Variants in EVL observed in about 807,000 individuals in gnomAD.
EVL encodes ena/VASP-like protein.
EVL carries 21 observed loss-of-function variants against 59.6 expected under a neutral mutation model. That is an observed-to-expected ratio of 0.35 (90% CI 0.25 to 0.51). The LOEUF is 0.51. Ranked by LOEUF, EVL falls within the 20% of genes least tolerant of loss-of-function variation. EVL has a pLI of 0.97. For synonymous variants in EVL, 198 were observed against 203.5 expected (o/e 0.97, Z 0.23); for missense variants, 462 against 546.6 (o/e 0.85, Z 1.54).
chr14:100,126,507 G>A lies in EVL; in HGVS notation c.423-200G>A, dbSNP rs535463681. 5.3e-5 allele frequency among the ~76,000 whole-genome samples: 8 copies of A among 152,310 alleles called. No individual in the cohort carries two copies. In the East Asian group the frequency reaches 5.8e-4, roughly 11 times the overall value. ...TGTGCCTGAGACTCAGGAGACAGCC[G>A]GTGCTCCCACTTGCGGGAGCTGGAC... On this transcript the variant is annotated intron_variant, in intron 4 of 13. Transcript: ENST00000392920.
Position 100,077,977 on chromosome 14 carries a change from G to GT in EVL, c.12-6710_12-6709insT, listed in dbSNP as rs563031888. ...TTTTTAGTAGAGATGGGGTTTCACCGGTTAGCCAGGATGGTCTCGATCTCC... is the reference window on the plus strand; with the variant it reads ...TTTTTAGTAGAGATGGGGTTTCACCGTGTTAGCCAGGATGGTCTCGATCTCC... On this transcript the variant is annotated intron_variant, in intron 1 of 13. Transcript: ENST00000392920. 2.0e-4 allele frequency among the ~76,000 whole-genome samples: 30 copies of GT among 152,002 alleles called. 1 individual carries two copies. The East Asian group carries it at 3.5e-3, about 18-fold the overall frequency.
At position 100,142,429 on chromosome 14, in the gene EVL, G is replaced by C. The variant is rs182389967; in HGVS notation, c.1219+636G>C. On this transcript the variant is annotated intron_variant, in intron 13 of 13. Transcript: ENST00000392920. ...CTCAGATCTGCAGCCAGAGGAAAAGGGGGAGTGGGCAGGGCAGACTCAGTC... is the reference window on the plus strand; with the variant it reads ...CTCAGATCTGCAGCCAGAGGAAAAGCGGGAGTGGGCAGGGCAGACTCAGTC... Among the ~76,000 whole-genome samples, 207 of 152,364 alleles carry C rather than the reference G, an allele frequency of 1.4e-3. 2 individuals carry two copies. Among genetic ancestry groups the C allele is most frequent in the Non-Finnish European group, 1.5e-3 (103 of 68,036 alleles).
At chr14:100,085,008 A>T in intron 2 of EVL, 153 bp downstream of exon 2, 2 of 750,428 alleles carry the variant, frequency 2.7e-6, no homozygotes, top group South Asian at 3.8e-5. Context: ...CCATATCCTC[A>T]TAGTTCAAAG....
chr14:99,996,485 G>A (rs536170734), intron 1 of EVL, among the ~76,000 whole-genome samples: 7 of 152,276 alleles, frequency 4.6e-5, no homozygotes, highest in African/African-American at 1.7e-4. Context: ...GTGCAACTTG[G>A]TAAGGGGACT....
At chr14:100,107,081 C>G (rs751048983) in intron 3 of EVL, 7 of 398,606 alleles carry the variant, frequency 1.8e-5, no homozygotes, top group Non-Finnish European at 2.7e-5. Flanking sequence ...CGTGGCAGTT[C>G]ACATGACACG....
intron 1 of EVL, among the ~76,000 whole-genome samples, chr14:100,001,582 TCC>T (rs2060946429): frequency 6.6e-6 from 1 of 152,242 alleles, no homozygotes; most frequent in Non-Finnish European, 1.5e-5. Flanking sequence ...GGAACTTTGT[TCC>T]ATTGAAGGAG....
intron 1 of EVL, among the ~76,000 whole-genome samples, chr14:100,044,326 C>G (rs925482736): frequency 4.6e-5 from 7 of 151,972 alleles, no homozygotes; most frequent in African/African-American, 9.7e-5. Context: ...GGAGATAGTC[C>G]CTATATTTTT....
chr14:100,098,660 G>A (rs968705924), intron 3 of EVL, among the ~76,000 whole-genome samples: 17 of 152,216 alleles, frequency 1.1e-4, no homozygotes, highest in African/African-American at 3.9e-4. Flanking sequence ...CCCAGGATGG[G>A]TGTCTTGATT....
At chr14:100,081,047 A>C (rs974657648) in intron 1 of EVL, among the ~76,000 whole-genome samples, 1 of 152,204 alleles carries the variant, frequency 6.6e-6, no homozygotes, top group Non-Finnish European at 1.5e-5. Context: ...AAAGAGACCA[A>C]GATGGGAGGA....
At chr14:100,011,686 C>T (rs962858883) in intron 1 of EVL, among the ~76,000 whole-genome samples, 12 of 152,096 alleles carry the variant, frequency 7.9e-5, no homozygotes, top group Non-Finnish European at 1.8e-4. Flanking sequence ...CTCTGTCAGC[C>T]CTGCATTCCT....
At chr14:100,051,575 T>C (rs2061648123) in intron 1 of EVL, among the ~76,000 whole-genome samples, 1 of 152,250 alleles carries the variant, frequency 6.6e-6, no homozygotes, top group Non-Finnish European at 1.5e-5. Context: ...GAAGCATTCA[T>C]TGGTTTTAGC....
intron 1 of EVL, among the ~76,000 whole-genome samples, chr14:100,082,200 A>G (rs1166208586): frequency 7.0e-6 from 1 of 143,100 alleles, no homozygotes; most frequent in Admixed American, 7.0e-5. Context: ...TCCAGGCTGG[A>G]TAAGGTTTAT....
intron 1 of EVL, chr14:99,977,218 C>T (rs1380035549): frequency 6.6e-6 from 1 of 152,110 alleles, no homozygotes; most frequent in East Asian, 1.9e-4. Context: ...AAGTCTTTAA[C>T]TCCTCTTAAT....
chr14:100,076,907 G>A (rs2062174734), intron 1 of EVL, among the ~76,000 whole-genome samples: 1 of 152,224 alleles, frequency 6.6e-6, no homozygotes, highest in African/African-American at 2.4e-5. Flanking sequence ...GCCACATGGG[G>A]TCAGGTGCTG....
At chr14:100,141,443 G>A (rs968123116) in intron 12 of EVL, among the ~76,000 whole-genome samples, 197 bp downstream of exon 12, 36 of 152,206 alleles carry the variant, frequency 2.4e-4, no homozygotes, top group Admixed American at 1.9e-3. Context: ...CCAGAACTAG[G>A]ATGTCCCTCA....
At chr14:100,112,904 A>G (rs972749429) in intron 3 of EVL, among the ~76,000 whole-genome samples, 5 of 152,230 alleles carry the variant, frequency 3.3e-5, no homozygotes, top group African/African-American at 1.2e-4. Context: ...CTGAGCACCT[A>G]TTCTGGGCCA....
At chr14:100,010,385 G>T (rs2061009053) in intron 1 of EVL, among the ~76,000 whole-genome samples, 1 of 152,102 alleles carries the variant, frequency 6.6e-6, no homozygotes, top group Non-Finnish European at 1.5e-5. Flanking sequence ...TCATTATTGT[G>T]CTAGTTAGTG....
intron 1 of EVL, among the ~76,000 whole-genome samples, chr14:100,039,278 C>G (rs2140230433): frequency 6.6e-6 from 1 of 152,186 alleles, no homozygotes; most frequent in East Asian, 1.9e-4. Flanking sequence ...CTCTTGTTCC[C>G]CATGCTGGAG....
chr14:100,012,291 G>T (rs1426052876), intron 1 of EVL, among the ~76,000 whole-genome samples: 6 of 152,178 alleles, frequency 3.9e-5, no homozygotes, highest in Non-Finnish European at 8.8e-5. Flanking sequence ...TGTTGGAAAG[G>T]CCTGAAGTGC....
Sources: allele counts gnomAD v4.1 joint callset (sites outside exome capture counted in the v4.1 genomes callset), GRCh38; gene constraint gnomAD v4.1.1; transcripts MANE v1.5; gene names NCBI Gene and HGNC (gene_info 2026-07-23, HGNC 2026-07-21).